COA8: variants seen among roughly 807,000 people sequenced by gnomAD.
COA8 encodes the protein UPF0671 protein C14orf153.
A neutral mutation model predicts 22.0 loss-of-function variants in COA8; 20 were observed. The ratio of observed to expected loss-of-function variants is 0.91; its 90% CI spans 0.64 to 1.32. COA8 has a LOEUF of 1.32. COA8 is among the 40% of genes most tolerant of loss of function. The pLI is 0.00. For synonymous variants in COA8, 105 were observed against 79.9 expected (o/e 1.31, Z -1.68); for missense variants, 266 against 230.0 (o/e 1.16, Z -1.01).
At chr14:103,589,551 A>G (rs924908678) in intron 4 of COA8, among the ~76,000 whole-genome samples, 1 of 151,962 alleles carries the variant, frequency 6.6e-6, no homozygotes, top group Non-Finnish European at 1.5e-5. Context: ...AGAGGTTGCA[A>G]TGAGCCAAGA....
chr14:103,563,464 CG>C, intron 1 of COA8: 1 of 430,590 alleles, frequency 2.3e-6, no homozygotes, highest in Non-Finnish European at 4.4e-6. Context: ...CGTTTTTTTT[CG>C]TTGTGTGTGT....
chr14:103,582,437 C>T (rs939349019), intron 3 of COA8, among the ~76,000 whole-genome samples: 6 of 152,188 alleles, frequency 3.9e-5, no homozygotes, highest in African/African-American at 1.2e-4. Context: ...CAGAGGCAAG[C>T]GGCACTGGTC....
intron 3 of COA8, among the ~76,000 whole-genome samples, chr14:103,583,411 G>T (rs2151185460): frequency 6.6e-6 from 1 of 151,828 alleles, no homozygotes; most frequent in Non-Finnish European, 1.5e-5. Context: ...TGTGGTGGCG[G>T]GCGCCTGTAA....
At chr14:103,567,489 G>C (rs1205258924) in intron 1 of COA8, 1 of 151,506 alleles carries the variant, frequency 6.6e-6, no homozygotes, top group Non-Finnish European at 1.5e-5. Flanking sequence ...CCAATACCCT[G>C]CCGTGATGAC....
intron 3 of COA8, chr14:103,574,423 G>T: frequency 1.6e-6 from 1 of 635,716 alleles, no homozygotes. Context: ...TCTGACCTTT[G>T]ACTTTCGTAC....
intron 1 of COA8, chr14:103,567,476 T>A (rs2076144508): frequency 6.6e-6 from 1 of 152,122 alleles, no homozygotes; most frequent in Non-Finnish European, 1.5e-5. Flanking sequence ...TTGAAAACTT[T>A]TCCCAATACC....
At chr14:103,565,056 C>A (rs2076126109) in intron 1 of COA8, among the ~76,000 whole-genome samples, 2 of 152,160 alleles carry the variant, frequency 1.3e-5, no homozygotes, top group African/African-American at 4.8e-5. Flanking sequence ...TGGGTTCAAG[C>A]AATTCTCCTG....
At chr14:103,571,102 A>G (rs947227701) in intron 1 of COA8, among the ~76,000 whole-genome samples, 9 of 152,226 alleles carry the variant, frequency 5.9e-5, no homozygotes, top group African/African-American at 2.2e-4. Flanking sequence ...GCACCTTACC[A>G]GAATTCAGAC....
chr14:103,563,579 A>G (rs1344206263), intron 1 of COA8, among the ~76,000 whole-genome samples: 1 of 152,276 alleles, frequency 6.6e-6, no homozygotes, highest in Admixed American at 6.5e-5. Flanking sequence ...GTTATTTGCA[A>G]ACTATGTGTG....
At chr14:103,576,577 C>T (rs903949770) in intron 3 of COA8, among the ~76,000 whole-genome samples, 2 of 152,196 alleles carry the variant, frequency 1.3e-5, no homozygotes, top group Non-Finnish European at 2.9e-5. Flanking sequence ...GGAGCTGGCC[C>T]CAGTCATGGC....
intron 1 of COA8, among the ~76,000 whole-genome samples, chr14:103,563,755 A>G (rs2142270168): frequency 6.6e-6 from 1 of 152,326 alleles, no homozygotes; most frequent in African/African-American, 2.4e-5. Flanking sequence ...ACGGTGTGGA[A>G]TGGGCTGGAG....
chr14:103,584,727 C>T (rs185922387), intron 3 of COA8, among the ~76,000 whole-genome samples: 11 of 152,270 alleles, frequency 7.2e-5, no homozygotes, highest in African/African-American at 2.4e-4. Flanking sequence ...GCGGGTGTGA[C>T]GTGGCATGCC....
intron 1 of COA8, chr14:103,563,337 G>A: frequency 2.8e-6 from 2 of 723,164 alleles, no homozygotes; most frequent in Non-Finnish European, 4.9e-6. Flanking sequence ...CCACGCCGGG[G>A]ACTGTTGACA....
chr14:103,581,767 A>T lies in COA8; in HGVS notation c.386-5507A>T, dbSNP rs1231116347. On this transcript the variant is annotated intron_variant, in intron 3 of 4. Transcript: ENST00000409074. This position sits in a 1 kb window ranked among gnomAD's most constrained non-coding sequence, Gnocchi z 4.1. ...GGGCTGTAGAGTTAAACTGTTCTTC[A>T]TTCCGGTGGCACTAGACCTGCCCGG... is the stretch of plus-strand genomic sequence containing the variant. 2.5e-6 allele frequency: 1 copy of T among 395,366 alleles called. No homozygotes were observed. The highest frequency in any genetic ancestry group is 4.4e-5 in the Admixed American group (1 of 22,598). The allele number at this position is 395,366 out of a possible 1,614,324, so 24.5% of individuals were successfully genotyped here.
Position 103,590,392 on chromosome 14 carries a change from A to G in COA8, c.*106A>G, listed in dbSNP as rs1430702797. 1.0e-5 allele frequency: 12 copies of G among 1,143,198 alleles called. No homozygotes were observed. The Admixed American group carries it at 2.2e-4, about 21-fold the overall frequency. 70.8% of individuals were successfully genotyped at this position (1,143,198 alleles called of 1,614,324 possible). A position where few individuals can be genotyped will look rare whatever the true frequency, so the allele number is the denominator to read the frequency against. On this transcript the variant is annotated 3_prime_UTR_variant, in exon 5 of 5. Transcript: ENST00000409074. ...TGGAGCTGATCTCAAGAAGCCCCAC[A>G]TCTTCCTAAGGGGCCCCATGGCCTG... is the stretch of plus-strand genomic sequence containing the variant.
At chr14:103,586,678 A>C (rs2076309703) in intron 3 of COA8, among the ~76,000 whole-genome samples, 1 of 135,002 alleles carries the variant, frequency 7.4e-6, no homozygotes, top group Non-Finnish European at 1.5e-5. Context: ...TCTTTTGCCC[A>C]GGCTGGAGTG....
rs587777786 is a variant in COA8 at position 103,571,813 on chromosome 14, T to C, written c.314T>C (p.Phe105Ser). Residue 105 changes from phenylalanine (F) to serine (S), a missense_variant, in exon 2 of 5, where the codon TTT becomes TCT. Phe to Ser is a radical substitution (Grantham distance 155). Coordinates refer to ENST00000409074, the MANE Select transcript of COA8 (RefSeq NM_001370595.2). Reference sequence around the variant, plus strand: ...TTCTGGGCAAACCAGAATTTGACTTTTAGTAAGGTAAGTTTAAGTTTTAGA... The same window carrying C: ...TTCTGGGCAAACCAGAATTTGACTTCTAGTAAGGTAAGTTTAAGTTTTAGA... ...QQFWANQNLT[F>S]SKEKEEFIHS... is the part of the protein sequence containing the mutation. 1.2e-6 allele frequency: 2 copies of C among 1,613,648 alleles called. No individual in the cohort carries two copies. Among genetic ancestry groups the C allele is most frequent in the Admixed American group, 3.3e-5 (2 of 59,946 alleles).
chr14:103,573,206 G>A (rs1287231619), intron 2 of COA8, among the ~76,000 whole-genome samples: 2 of 149,660 alleles, frequency 1.3e-5, no homozygotes, highest in South Asian at 2.1e-4. Context: ...TTTCACTCCT[G>A]TTGCCCAGGC....
At chr14:103,568,022 G>A (rs1332517381) in intron 1 of COA8, among the ~76,000 whole-genome samples, 2 of 152,136 alleles carry the variant, frequency 1.3e-5, no homozygotes, top group Admixed American at 6.6e-5. Context: ...TGTAGAATAG[G>A]GGGCTGGGGA....
Sources: gnomAD v4.1 joint callset for allele counts (sites outside exome capture counted in the v4.1 genomes callset) on GRCh38, gnomAD v4.1.1 for gene constraint, Gnocchi (gnomAD v3.1) non-coding constraint, MANE v1.5 for transcripts, NCBI Gene and HGNC (gene_info 2026-07-23, HGNC 2026-07-21) for gene names.